KCND2: variants seen among roughly 807,000 people sequenced by gnomAD.
KCND2 encodes potassium voltage-gated channel subfamily D member 2.
KCND2 carries 16 observed loss-of-function variants against 54.4 expected under a neutral mutation model. That is an observed-to-expected ratio of 0.29 (90% CI 0.20 to 0.45). KCND2 has a LOEUF of 0.45. Among genes scored for constraint, KCND2 ranks in the 20% least tolerant of loss-of-function variants. The pLI is 1.00. For synonymous variants in KCND2, 317 were observed against 310.7 expected, an observed-to-expected ratio of 1.02 and a Z score of -0.21; for missense variants, 486 against 824.2, an observed-to-expected ratio of 0.59 and a Z score of 5.02.
intron 1 of KCND2, among the ~76,000 whole-genome samples, chr7:120,591,512 T>G (rs1019563669): frequency 2.0e-5 from 3 of 152,182 alleles, no homozygotes; most frequent in Non-Finnish European, 4.4e-5. Flanking sequence ...AGTAATGCAG[T>G]GGAAAGTCCT....
intron 1 of KCND2, among the ~76,000 whole-genome samples, chr7:120,431,844 C>A (rs1801792122): frequency 6.6e-6 from 1 of 152,156 alleles, no homozygotes; most frequent in Non-Finnish European, 1.5e-5. Context: ...ATCTCTCACA[C>A]ACACTCACAT....
chr7:120,638,064 G>A (rs1389850239), intron 1 of KCND2, among the ~76,000 whole-genome samples: 2 of 152,092 alleles, frequency 1.3e-5, no homozygotes, highest in Non-Finnish European at 2.9e-5. Flanking sequence ...TGGAATACGA[G>A]AAAGTGGCTG....
chr7:120,541,601 C>A (rs1791980184), intron 1 of KCND2, among the ~76,000 whole-genome samples: 1 of 152,080 alleles, frequency 6.6e-6, no homozygotes, highest in African/African-American at 2.4e-5. Flanking sequence ...GTTCCAAGCA[C>A]AAAAGGTCCT....
chr7:120,592,318 G>A (rs1449085608), intron 1 of KCND2, among the ~76,000 whole-genome samples: 3 of 152,158 alleles, frequency 2.0e-5, no homozygotes, highest in Non-Finnish European at 4.4e-5. Context: ...GGAGGTGGAA[G>A]CCGGTGGCAG....
chr7:120,695,098 A>G (rs1383905473), intron 1 of KCND2, among the ~76,000 whole-genome samples: 1 of 152,144 alleles, frequency 6.6e-6, no homozygotes, highest in Non-Finnish European at 1.5e-5. Context: ...TTATCTCATT[A>G]CTGAGTACTC....
intron 1 of KCND2, among the ~76,000 whole-genome samples, chr7:120,645,530 T>G (rs370494717): frequency 3.9e-5 from 6 of 152,228 alleles, no homozygotes; most frequent in East Asian, 3.9e-4. Flanking sequence ...ACATGACAAG[T>G]GGCATGCTAA....
At chr7:120,604,190 G>A (rs1792849198) in intron 1 of KCND2, among the ~76,000 whole-genome samples, 1 of 151,930 alleles carries the variant, frequency 6.6e-6, no homozygotes, top group Non-Finnish European at 1.5e-5. Context: ...CTACCTTTTT[G>A]GCCTTTTTGC....
chr7:120,467,642 A>T (rs1217910151), intron 1 of KCND2, among the ~76,000 whole-genome samples: 2 of 152,150 alleles, frequency 1.3e-5, no homozygotes, highest in African/African-American at 2.4e-5. Context: ...TTGTTTGAAA[A>T]TGGTCAATTG....
intron 1 of KCND2, among the ~76,000 whole-genome samples, chr7:120,544,247 G>A (rs1792016933): frequency 6.6e-6 from 1 of 151,860 alleles, no homozygotes; most frequent in Non-Finnish European, 1.5e-5. Context: ...GCAGCAGGAA[G>A]CAAGACAGAA....
At chr7:120,501,239 C>T (rs1237542827) in intron 1 of KCND2, among the ~76,000 whole-genome samples, 1 of 152,092 alleles carries the variant, frequency 6.6e-6, no homozygotes, top group African/African-American at 2.4e-5. Flanking sequence ...ATTATAATTT[C>T]TTGTAACTCA....
chr7:120,393,160 G>C, intron 1 of KCND2, among the ~76,000 whole-genome samples: 1 of 151,848 alleles, frequency 6.6e-6, no homozygotes, highest in East Asian at 1.9e-4. Context: ...TTATCCAATG[G>C]CATTTACAAA....
chr7:120,479,796 CAAAAAAAAAA>C (rs771337674), intron 1 of KCND2, among the ~76,000 whole-genome samples: 3 of 75,604 alleles, frequency 4.0e-5, no homozygotes, highest in Non-Finnish European at 8.7e-5. Flanking sequence ...TACACACACA[CAAAAAAAAAA>C]AAAAAAAAAA....
At chr7:120,574,998 T>C (rs1027539188) in intron 1 of KCND2, among the ~76,000 whole-genome samples, 1 of 151,974 alleles carries the variant, frequency 6.6e-6, no homozygotes, top group Non-Finnish European at 1.5e-5. Context: ...TACAAAGACA[T>C]ATAATTAAAA....
intron 1 of KCND2, among the ~76,000 whole-genome samples, chr7:120,393,559 C>T (rs1156800191): frequency 6.6e-6 from 1 of 151,778 alleles, no homozygotes; most frequent in Non-Finnish European, 1.5e-5. Flanking sequence ...CATTGTATAC[C>T]CATGTATCCT....
At chr7:120,526,881 TA>T in intron 1 of KCND2, among the ~76,000 whole-genome samples, 1 of 152,278 alleles carries the variant, frequency 6.6e-6, no homozygotes. Context: ...TAAGCTGAAC[TA>T]AATAACTATC....
chr7:120,731,731 G>A (rs1382844638), intron 1 of KCND2, among the ~76,000 whole-genome samples: 1 of 152,170 alleles, frequency 6.6e-6, no homozygotes. Context: ...GGCAAGAAAT[G>A]ACCACGGTTT....
At chr7:120,576,459 G>A (rs1277172019) in intron 1 of KCND2, among the ~76,000 whole-genome samples, 3 of 152,092 alleles carry the variant, frequency 2.0e-5, no homozygotes, top group African/African-American at 7.2e-5. Context: ...ATGTTATGTA[G>A]AACGACTATA....
chr7:120,449,989 A>G (rs568250597), intron 1 of KCND2, among the ~76,000 whole-genome samples: 20 of 152,246 alleles, frequency 1.3e-4, no homozygotes, highest in Non-Finnish European at 2.1e-4. Flanking sequence ...TGAAGATTCT[A>G]TTTAAGACAC....
Position 120,669,271 on chromosome 7 carries a change from A to AT in KCND2, c.1116-63626dup, listed in dbSNP as rs570132796. On this transcript the variant is annotated intron_variant, in intron 1 of 5. Coordinates refer to ENST00000331113, the MANE Select transcript of KCND2 (RefSeq NM_012281.3). ...GTATAGAGTACAAATAAATATCTTG[A>AT]TTTTTTCCCATGTCCTTCTCCAAGT... Among the ~76,000 whole-genome samples, 371 of 152,058 alleles carry AT rather than the reference A, an allele frequency of 2.4e-3. 4 individuals are homozygous for AT. The highest frequency in any genetic ancestry group is 1.9e-3 in the Non-Finnish European group (127 of 67,928).
Sources: gnomAD v4.1 joint callset for allele counts (sites outside exome capture counted in the v4.1 genomes callset) on GRCh38, gnomAD v4.1.1 for gene constraint, MANE v1.5 for transcripts, NCBI Gene and HGNC (gene_info 2026-07-23, HGNC 2026-07-21) for gene names.